ADGRV1: variants seen among roughly 807,000 people sequenced by gnomAD.
ADGRV1 encodes G-protein coupled receptor 98.
ADGRV1 carries 359 observed loss-of-function variants against 596.2 expected under a neutral mutation model. The observed-to-expected ratio is 0.60, with a 90% confidence interval of 0.55 to 0.66. ADGRV1 has a LOEUF of 0.66. Among genes scored for constraint, ADGRV1 ranks in the 30% least tolerant of loss-of-function variants. The probability of loss-of-function intolerance (pLI) is 0.00; values close to 1 mark genes in which losing one functional copy is unlikely to be tolerated. For missense variants in ADGRV1, 7,274 were observed against 7,575.6 expected, an observed-to-expected ratio of 0.96 and a Z score of 1.48; for synonymous variants, 2,681 against 2,679.2, an observed-to-expected ratio of 1.00 and a Z score of -0.02.
At chr5:90,694,791 G>GT in intron 33 of ADGRV1, 90 bp downstream of exon 33, 1 of 1,172,812 alleles carries the variant, frequency 8.5e-7, no homozygotes, top group Non-Finnish European at 1.2e-6. Flanking sequence ...TTCTTACTGT[G>GT]TACATTCTTG....
At chr5:90,723,054 C>G (rs1180428523) in intron 45 of ADGRV1, among the ~76,000 whole-genome samples, 2 of 151,792 alleles carry the variant, frequency 1.3e-5, no homozygotes, top group Non-Finnish European at 2.9e-5. Context: ...GGTGAGAAGT[C>G]CAGTAAAATG....
intron 87 of ADGRV1, among the ~76,000 whole-genome samples, chr5:91,104,724 T>C (rs1413199199): frequency 6.6e-6 from 1 of 152,196 alleles, no homozygotes; most frequent in East Asian, 1.9e-4. Context: ...CTTACCATAA[T>C]GTCCTCCAGT....
chr5:91,159,757 G>A (rs957976479), intron 89 of ADGRV1, among the ~76,000 whole-genome samples: 13 of 151,930 alleles, frequency 8.6e-5, no homozygotes, highest in Non-Finnish European at 1.8e-4. Context: ...CCCCAACCAG[G>A]ACTTTAGGAG....
intron 86 of ADGRV1, among the ~76,000 whole-genome samples, chr5:91,094,454 T>C (rs966861673): frequency 7.0e-6 from 1 of 142,190 alleles, no homozygotes; most frequent in South Asian, 2.2e-4. Flanking sequence ...GTGAGAGTCC[T>C]TCTATGTAAA....
intron 83 of ADGRV1, among the ~76,000 whole-genome samples, chr5:90,943,690 C>A (rs778924105): frequency 1.3e-5 from 2 of 152,178 alleles, no homozygotes; most frequent in African/African-American, 2.4e-5. Flanking sequence ...TCCTGGCCTC[C>A]TTCTAGCTGC....
intron 85 of ADGRV1, among the ~76,000 whole-genome samples, chr5:91,062,566 A>G (rs1010814774): frequency 1.5e-4 from 23 of 152,098 alleles, no homozygotes; most frequent in African/African-American, 5.1e-4. Flanking sequence ...AGAACTGAAT[A>G]TTAACGTCGT....
At chr5:91,161,452 G>A (rs1427736278) in intron 89 of ADGRV1, among the ~76,000 whole-genome samples, 1 of 149,468 alleles carries the variant, frequency 6.7e-6, no homozygotes, top group African/African-American at 2.5e-5. Flanking sequence ...GTTTTGTTTT[G>A]TAATGCGGAA....
chr5:90,759,720 C>G lies in ADGRV1; in HGVS notation c.12120+132C>G, dbSNP rs573226186. ...GTGGCTCATGCCAGTAATCCCAGCA[C>G]TTTGGGAGGCCGCAGCGGGCAGATC... On this transcript the variant is annotated intron_variant, in intron 58 of 89. Coordinates refer to ENST00000405460, the MANE Select transcript of ADGRV1 (RefSeq NM_032119.4). 6.5e-5 allele frequency: 49 copies of G among 749,382 alleles called. 2 individuals carry two copies. In the Middle Eastern group the frequency reaches 1.1e-3, roughly 16 times the overall value. 46.4% of individuals were successfully genotyped at this position (749,382 alleles called of 1,614,324 possible). A position where few individuals can be genotyped will look rare whatever the true frequency, so the allele number is the denominator to read the frequency against.
At chr5:90,990,262 C>T (rs1446257847) in intron 85 of ADGRV1, among the ~76,000 whole-genome samples, 1 of 152,154 alleles carries the variant, frequency 6.6e-6, no homozygotes, top group Admixed American at 6.5e-5. Context: ...CAGATTAAAA[C>T]CCTACCTCTT....
Position 90,919,886 on chromosome 5 carries a change from C to T in ADGRV1, c.17857-45529C>T, listed in dbSNP as rs540584775. On this transcript the variant is annotated intron_variant, in intron 83 of 89. Coordinates refer to ENST00000405460, the MANE Select transcript of ADGRV1 (RefSeq NM_032119.4). ...GCACATGGCTGTAATCCCAGCTACTCGGGAGGCTGAGGCAGGAGAATCGCT... is the reference window on the plus strand; with the variant it reads ...GCACATGGCTGTAATCCCAGCTACTTGGGAGGCTGAGGCAGGAGAATCGCT... Among the ~76,000 whole-genome samples the T allele has an allele frequency of 2.2e-4, 32 of 148,342 alleles. No individual in the cohort carries two copies. The South Asian group carries it at 5.4e-3, about 25-fold the overall frequency.
At chr5:90,972,999 A>G (rs932851751) in intron 84 of ADGRV1, among the ~76,000 whole-genome samples, 2 of 152,188 alleles carry the variant, frequency 1.3e-5, no homozygotes, top group African/African-American at 4.8e-5. Flanking sequence ...AATAGATGCA[A>G]TAAAAATTAA....
chr5:90,811,448 C>T (rs1762433179), intron 74 of ADGRV1, 110 bp downstream of exon 74: 1 of 999,620 alleles, frequency 1.0e-6, no homozygotes, highest in African/African-American at 1.6e-5. Context: ...TTAAGTTATT[C>T]ATAGGAATGC....
chr5:90,889,559 A>G (rs1770614392), intron 83 of ADGRV1, among the ~76,000 whole-genome samples: 1 of 152,062 alleles, frequency 6.6e-6, no homozygotes, highest in Non-Finnish European at 1.5e-5. Flanking sequence ...CTTCTGGTGA[A>G]TCTTTCATCT....
chr5:90,847,680 C>G (rs540072074), intron 78 of ADGRV1, among the ~76,000 whole-genome samples: 120 of 152,320 alleles, frequency 7.9e-4, no homozygotes, highest in African/African-American at 2.8e-3. Context: ...GCAGCTAAGG[C>G]CCGGCAAGAA....
intron 1 of ADGRV1, among the ~76,000 whole-genome samples, chr5:90,610,166 G>A (rs953045304): frequency 6.6e-6 from 1 of 151,896 alleles, no homozygotes; most frequent in African/African-American, 2.4e-5. Flanking sequence ...CAAGATGGGA[G>A]GAAGGTACTG....
Position 90,745,639 on chromosome 5 carries a change from A to C in ADGRV1, c.10818A>C (p.Ala3606=), listed in dbSNP as rs746968588. 1 of 1,612,844 alleles carries C rather than the reference A, an allele frequency of 6.2e-7. No homozygotes were observed. Among genetic ancestry groups the C allele is most frequent in the Admixed American group, 1.7e-5 (1 of 59,992 alleles). Residue 3606 remains alanine (A), a synonymous_variant, in exon 52 of 90, where the codon GCA becomes GCC. Transcript: ENST00000405460. ...CTGGTGAGAGAGAAGCTACAATAGC[A>C]GTAAATATCCTTGATGATACAGTTC... The part of the protein sequence containing the change: ...FEPGEREATI[A]VNILDDTVPE...
In ADGRV1 at chr5:90,658,111, G is replaced by T. The variant is rs1314218838; in HGVS notation, c.4585G>T (p.Ala1529Ser). 5 of 1,613,632 alleles carry T rather than the reference G, an allele frequency of 3.1e-6. No individual in the cohort carries two copies. The highest frequency in any genetic ancestry group is 1.7e-5 in the Admixed American group (1 of 59,998). ...AACTAACAAATCATTCATTATTTCT[G>T]CAAGAGATGACAATGACGAGGAAGG... ...GETNKSFIIS[A>S]RDDNDEEGEE... Residue 1529 changes from alanine (A) to serine (S), a missense_variant, in exon 21 of 90, where the codon GCA (alanine) becomes TCA (serine). By Grantham distance (99) the Ala-to-Ser change is moderately conservative. Around this residue, in one of 5 missense-constraint regions of ADGRV1, gnomAD observed 3,643 missense variants for 3,809.2 expected, o/e 0.96. Coordinates refer to ENST00000405460, the MANE Select transcript of ADGRV1 (RefSeq NM_032119.4).
intron 82 of ADGRV1, among the ~76,000 whole-genome samples, chr5:90,863,371 G>A (rs1404114440): frequency 6.6e-6 from 1 of 152,196 alleles, no homozygotes; most frequent in African/African-American, 2.4e-5. Context: ...GGAGAAAATA[G>A]CACACTTTCT....
At chr5:90,976,322 G>GTGTATATATATA (rs1420288881) in intron 84 of ADGRV1, among the ~76,000 whole-genome samples, 129 of 108,598 alleles carry the variant, frequency 1.2e-3, no homozygotes, top group African/African-American at 4.5e-3. Flanking sequence ...GTGTGTGTGT[G>GTGTATATATATA]TATATATATA....
Sources: gnomAD v4.1 joint callset for allele counts (sites outside exome capture counted in the v4.1 genomes callset) on GRCh38, gnomAD v4.1.1 for gene constraint, gnomAD v4.1.1 regional missense constraint, MANE v1.5 for transcripts, NCBI Gene and HGNC (gene_info 2026-07-23, HGNC 2026-07-21) for gene names.